The following NDUFA10 variants were observed in gnomAD, a reference collection of about 807,000 sequenced individuals.
NDUFA10 encodes NADH dehydrogenase [ubiquinone] 1 alpha subcomplex subunit 10, mitochondrial.
Under a neutral mutation model 47.8 loss-of-function variants are expected in NDUFA10, and 40 were observed. The observed-to-expected ratio is 0.84, with a 90% CI of 0.65 to 1.09. The LOEUF (loss-of-function observed/expected upper bound fraction) is 1.09. Ranked by LOEUF, NDUFA10 falls within the 50% of genes least tolerant of loss-of-function variation. The probability of loss-of-function intolerance (pLI) is 0.00; values close to 1 mark genes in which losing one functional copy is unlikely to be tolerated. For missense variants in NDUFA10, 413 were observed against 451.1 expected (o/e 0.92, Z 0.76); for synonymous variants, 183 against 172.2 (o/e 1.06, Z -0.49).
intron 4 of NDUFA10, among the ~76,000 whole-genome samples, chr2:239,930,300 G>A (rs1694145285): frequency 6.6e-6 from 1 of 151,846 alleles, no homozygotes; most frequent in Admixed American, 6.6e-5. Flanking sequence ...TGCCACCCCT[G>A]CTCCTCCATT....
At chr2:239,995,952 G>C (rs1476768327) in intron 8 of NDUFA10, among the ~76,000 whole-genome samples, 1 of 152,120 alleles carries the variant, frequency 6.6e-6, no homozygotes, top group Non-Finnish European at 1.5e-5. Flanking sequence ...AAAACTAATA[G>C]AACCCAAGGG....
At chr2:239,910,567 G>T (rs1265395497) in intron 4 of NDUFA10, among the ~76,000 whole-genome samples, 1 of 152,058 alleles carries the variant, frequency 6.6e-6, no homozygotes, top group Non-Finnish European at 1.5e-5. Flanking sequence ...CTGCTGGGGG[G>T]TGTTGAGGAA....
intron 4 of NDUFA10, among the ~76,000 whole-genome samples, chr2:239,912,592 T>TG (rs71045918): frequency 0.79 from 120,263 of 152,160 alleles, 48,016 homozygotes; most frequent in African/African-American, 0.91. Context: ...TGGTGCCACG[T>TG]GGGGCTCAGC....
At chr2:239,922,165 A>C (rs1694001414) in intron 4 of NDUFA10, among the ~76,000 whole-genome samples, 1 of 148,326 alleles carries the variant, frequency 6.7e-6, no homozygotes, top group Admixed American at 6.8e-5. Context: ...AGCTTTTCCT[A>C]CCTTGCTGCT....
intron 3 of NDUFA10, among the ~76,000 whole-genome samples, chr2:240,019,199 C>T (rs1362092357): frequency 2.0e-5 from 3 of 152,348 alleles, no homozygotes; most frequent in South Asian, 4.1e-4. Flanking sequence ...AGAGCAGCCA[C>T]CACTCACTTG....
chr2:240,002,281 G>C (rs1696750314), intron 8 of NDUFA10, among the ~76,000 whole-genome samples: 3 of 135,908 alleles, frequency 2.2e-5, no homozygotes, highest in Non-Finnish European at 4.6e-5. Context: ...AGTGAGCTGA[G>C]ATTGCGCCAC....
Position 239,994,054 on chromosome 2 carries a change from G to A in NDUFA10, c.891-3872C>T, listed in dbSNP as rs74683256. On this transcript the variant is annotated intron_variant, in intron 8 of 9. Transcript: ENST00000252711. ...CATGGTCTCCTCCTTGTAAAATGAG[G>A]GAGTCCCGCCCCACAGAAGTGCTGT... Among the ~76,000 whole-genome samples, 280 of 152,216 alleles carry A rather than the reference G, an allele frequency of 1.8e-3. 4 individuals carry two copies. Among genetic ancestry groups the A allele is most frequent in the African/African-American group, 6.1e-3 (254 of 41,530 alleles).
At chr2:239,896,350 G>A (rs988008631) in intron 4 of NDUFA10, among the ~76,000 whole-genome samples, 1 of 152,238 alleles carries the variant, frequency 6.6e-6, no homozygotes, top group Non-Finnish European at 1.5e-5. Context: ...CCAGCACAGA[G>A]CCCTTCTTAA....
chr2:239,983,514 T>G (rs759963420), intron 9 of NDUFA10: 2 of 1,598,218 alleles, frequency 1.3e-6, no homozygotes, highest in South Asian at 2.3e-5. Context: ...AGACAATTCT[T>G]ACTCAACAAA....
intron 9 of NDUFA10, among the ~76,000 whole-genome samples, chr2:239,968,087 A>G (rs1309622118): frequency 1.3e-5 from 2 of 152,168 alleles, no homozygotes; most frequent in African/African-American, 2.4e-5. Flanking sequence ...AGATGAACGA[A>G]GCCAGTCCTC....
rs1378937619 is a variant in NDUFA10, at chr2:239,906,947, C to T, written c.295-11633G>A. On this transcript the variant is annotated intron_variant, in intron 4 of 5. Transcript: ENST00000419408. The surrounding 1 kb of genome is among the most constrained non-coding windows in gnomAD (Gnocchi z 4.3). The stretch of plus-strand genomic sequence containing the variant: ...TGGAACCAAAAAAGAGCCCACATTG[C>T]CAAGTCAATCCTAAGCCAAAAGAAC... Among the ~76,000 whole-genome samples, 1 of 152,172 alleles carries T rather than the reference C, an allele frequency of 6.6e-6. No individual in the cohort carries two copies. The highest frequency in any genetic ancestry group is 2.4e-5 in the African/African-American group (1 of 41,442).
chr2:239,960,633 G>A lies in NDUFA10; in HGVS notation c.*485C>T, dbSNP rs1254541566. 2.9e-6 allele frequency: 3 copies of A among 1,047,366 alleles called. No individual in the cohort carries two copies. Among genetic ancestry groups the A allele is most frequent in the Non-Finnish European group, 3.5e-6 (3 of 865,378 alleles). 64.9% of individuals were successfully genotyped at this position (1,047,366 alleles called of 1,614,324 possible). ...CTTTAGAAAAACTCTTCAGCATAAT[G>A]TAAGCCTCAATTAAACCACACCACA... On this transcript the variant is annotated 3_prime_UTR_variant, in exon 10 of 10. Transcript: ENST00000252711.
chr2:239,953,563 G>A (rs1438225103), downstream of NDUFA10, among the ~76,000 whole-genome samples: 1 of 152,196 alleles, frequency 6.6e-6, no homozygotes, highest in Non-Finnish European at 1.5e-5. Flanking sequence ...CCCTGCAGGA[G>A]GAGCACTCGG....
In NDUFA10 at chr2:239,961,175, G is replaced by A; in HGVS notation, c.1011C>T (p.Arg337=). ...CGGTGTTGTACCCAGGGCTGTACTT[G>A]CGGCCCGGCAGCTGTGGGGGAAAAA... The part of the protein sequence containing the change: ...VLHQFRELPG[R]KYSPGYNTEV... Residue 337 remains arginine, a synonymous_variant, in exon 10 of 10, where the codon CGC becomes CGT. Coordinates refer to ENST00000252711, the MANE Select transcript of NDUFA10 (RefSeq NM_004544.4). 6.2e-7 allele frequency: 1 copy of A among 1,609,502 alleles called. No homozygotes were observed. Among genetic ancestry groups the A allele is most frequent in the Non-Finnish European group, 8.5e-7 (1 of 1,177,840 alleles).
chr2:239,914,321 CACAT>C (rs1444955527), intron 4 of NDUFA10, among the ~76,000 whole-genome samples: 2 of 150,124 alleles, frequency 1.3e-5, no homozygotes, highest in Non-Finnish European at 3.0e-5. Flanking sequence ...ACACACAGAA[CACAT>C]ACATATACAG....
intron 4 of NDUFA10, among the ~76,000 whole-genome samples, chr2:239,936,649 GCTTTTAA>G (rs1423900271): frequency 1.3e-5 from 2 of 152,158 alleles, no homozygotes; most frequent in Non-Finnish European, 2.9e-5. Context: ...ACCTAAACCT[GCTTTTAA>G]AAAAGTAAGT....
intron 4 of NDUFA10, among the ~76,000 whole-genome samples, chr2:240,015,146 G>A (rs1204925575): frequency 1.3e-5 from 2 of 152,212 alleles, no homozygotes; most frequent in Admixed American, 6.5e-5. Context: ...CTGAGGCCCA[G>A]AGAAATTAAG....
At chr2:239,956,627 C>T (rs1199387862), downstream of NDUFA10, among the ~76,000 whole-genome samples, 1 of 152,180 alleles carries the variant, frequency 6.6e-6, no homozygotes, top group South Asian at 2.1e-4. Flanking sequence ...GAGGGCAGAC[C>T]AGTGGAAATG....
chr2:239,979,547 G>A (rs955578962), intron 9 of NDUFA10, among the ~76,000 whole-genome samples: 2 of 152,124 alleles, frequency 1.3e-5, no homozygotes, highest in African/African-American at 4.8e-5. Context: ...CAACTTGGCT[G>A]GGCAAGGAGG....
Sources: allele counts gnomAD v4.1 joint callset (sites outside exome capture counted in the v4.1 genomes callset), GRCh38; gene constraint gnomAD v4.1.1; non-coding constraint Gnocchi (gnomAD v3.1); transcripts MANE v1.5; gene names NCBI Gene and HGNC (gene_info 2026-07-23, HGNC 2026-07-21).